The following OGDHL variants were observed in gnomAD, a reference collection of about 807,000 sequenced individuals.
OGDHL encodes oxoglutarate dehydrogenase L.
In OGDHL, 79 loss-of-function variants were observed where a neutral mutation model predicts 109.6. The ratio of observed to expected loss-of-function variants is 0.72; its 90% CI spans 0.60 to 0.87. The LOEUF (loss-of-function observed/expected upper bound fraction) is 0.87. Ranked by LOEUF, OGDHL falls within the 40% of genes least tolerant of loss-of-function variation. The pLI, the probability that OGDHL is intolerant of heterozygous loss-of-function variation, is 0.00. For synonymous variants in OGDHL, 528 were observed against 537.2 expected (o/e 0.98, Z 0.24); for missense variants, 1,275 against 1,362.2 (o/e 0.94, Z 1.01).
rs778314316 is a variant in OGDHL at position 49,750,973 on chromosome 10, G to A, written c.762C>T (p.Phe254=). ...TCTCTGAGGACCATTTCCGGGCCAG[G>A]AAGTCTTCAAACCTGCTTGGGGAGA... is the stretch of plus-strand genomic sequence containing the variant. ...RLVRSMRFED[F]LARKWSSEKR... is the part of the protein sequence containing the mutation. The change falls in exon 7 of 23, where the codon TTC becomes TTT. Residue 254 remains phenylalanine, a synonymous_variant. Coordinates refer to ENST00000374103, the MANE Select transcript of OGDHL (RefSeq NM_018245.3). 4.4e-6 allele frequency: 7 copies of A among 1,604,900 alleles called. No homozygotes were observed. In the Admixed American group the frequency reaches 1.0e-4, roughly 23 times the overall value.
At chr10:49,747,237 T>C in intron 8 of OGDHL, 29 bp from the exon 9 acceptor site, 1 of 1,606,444 alleles carries the variant, frequency 6.2e-7, no homozygotes, top group East Asian at 2.2e-5. Flanking sequence ...ACATGATGGA[T>C]CCTCCCCTCC....
chr10:49,745,929 T>G lies in OGDHL; in HGVS notation c.1345A>C (p.Thr449Pro). The change falls in exon 11 of 23, where the codon ACC becomes CCC. Residue 449 changes from threonine (T) to proline (P), a missense_variant. By Grantham distance (38) the Thr-to-Pro change is conservative (BLOSUM62 -1). Coordinates refer to ENST00000374103, the MANE Select transcript of OGDHL (RefSeq NM_018245.3). ...PRMARSSPYPTDVARVVNAPI... is the reference protein window; with the variant it reads ...PRMARSSPYPPDVARVVNAPI... ...GCATTGACCACCCGGGCCACGTCGG[T>G]CGGGTATGGTGAGGAGCGGGCCATT... 2 of 1,614,136 alleles carry G rather than the reference T, an allele frequency of 1.2e-6. No individual in the cohort carries two copies. The highest frequency in any genetic ancestry group is 2.2e-5 in the South Asian group (2 of 91,070).
At chr10:49,761,704 C>T (rs372152322) in intron 1 of OGDHL, among the ~76,000 whole-genome samples, 1 of 152,172 alleles carries the variant, frequency 6.6e-6, no homozygotes, top group Non-Finnish European at 1.5e-5. Context: ...CCACATCTCC[C>T]GGGGGGCGGA....
chr10:49,751,130 G>GGT (rs1048786234), intron 6 of OGDHL, 145 bp from the exon 7 acceptor site: 14 of 761,292 alleles, frequency 1.8e-5, no homozygotes, highest in African/African-American at 1.6e-4. Flanking sequence ...ACATGGTCCA[G>GGT]GGCCCACCAT....
chr10:49,741,626 TAAC>T (rs1442814447), intron 15 of OGDHL, among the ~76,000 whole-genome samples: 2 of 150,788 alleles, frequency 1.3e-5, no homozygotes, highest in Non-Finnish European at 3.0e-5. Context: ...GGGGCTGACT[TAAC>T]AGCAGTACAC....
chr10:49,751,732 G>A, intron 6 of OGDHL, 95 bp downstream of exon 6: 1 of 1,470,842 alleles, frequency 6.8e-7, no homozygotes, highest in Non-Finnish European at 9.2e-7. Flanking sequence ...CTGCCTTCCT[G>A]TGGTACCCTC....
chr10:49,752,460 T>C (rs547283376), intron 4 of OGDHL, among the ~76,000 whole-genome samples, 178 bp downstream of exon 4: 2 of 152,220 alleles, frequency 1.3e-5, no homozygotes, highest in South Asian at 4.1e-4. Context: ...CTAGGGAAAG[T>C]GGCAGGCATC....
In OGDHL at chr10:49,734,948, G is replaced by A. The variant is rs1841032666; in HGVS notation, c.*280C>T. On this transcript the variant is annotated 3_prime_UTR_variant, in exon 23 of 23. Transcript: ENST00000374103. ...CCCCGGGTGTCTGTCTTGAGATACA[G>A]GTGGAGAAGCCGCCCAAGAAATTCC... 7.3e-6 allele frequency: 2 copies of A among 274,146 alleles called. No individual in the cohort carries two copies. Among genetic ancestry groups the A allele is most frequent in the African/African-American group, 4.4e-5 (2 of 45,184 alleles). The allele number at this position is 274,146 out of a possible 1,614,324, so 17.0% of individuals were successfully genotyped here. A position where few individuals can be genotyped will look rare whatever the true frequency, so the allele number is the denominator to read the frequency against.
chr10:49,738,157 G>A (rs772926573), intron 18 of OGDHL, 34 bp downstream of exon 18: 63 of 1,613,898 alleles, frequency 3.9e-5, no homozygotes, highest in South Asian at 9.9e-5. Context: ...ACAATAGGGC[G>A]CGTCCCTGTC....
intron 3 of OGDHL, among the ~76,000 whole-genome samples, chr10:49,754,913 TG>T (rs1442446834): frequency 2.6e-5 from 4 of 152,210 alleles, no homozygotes; most frequent in Admixed American, 6.5e-5. Context: ...TATTGCAACC[TG>T]TGGATTTAGC....
intron 12 of OGDHL, 54 bp from the exon 13 acceptor site, chr10:49,744,806 G>A: frequency 1.4e-6 from 2 of 1,395,482 alleles, no homozygotes; most frequent in South Asian, 1.2e-5. Context: ...GCAGCCAGAC[G>A]CCCAGTCCAC....
chr10:49,735,564 C>T (rs1459938292), intron 22 of OGDHL, among the ~76,000 whole-genome samples: 1 of 152,232 alleles, frequency 6.6e-6, no homozygotes, highest in Admixed American at 6.5e-5. Flanking sequence ...GAAACTGTCC[C>T]TCCATGTCAC....
chr10:49,750,466 C>T (rs539762905), intron 7 of OGDHL, among the ~76,000 whole-genome samples: 65 of 152,278 alleles, frequency 4.3e-4, no homozygotes, highest in African/African-American at 6.3e-4. Context: ...GGACACAACC[C>T]GGGAACAACT....
At chr10:49,752,411 G>A (rs1842666408) in intron 4 of OGDHL, among the ~76,000 whole-genome samples, 163 bp from the exon 5 acceptor site, 1 of 152,182 alleles carries the variant, frequency 6.6e-6, no homozygotes, top group Non-Finnish European at 1.5e-5. Context: ...GGGAGGCAGG[G>A]TGGACAAGCC....
intron 10 of OGDHL, 138 bp downstream of exon 10, chr10:49,746,612 G>T: frequency 8.6e-7 from 1 of 1,161,352 alleles, no homozygotes; most frequent in Non-Finnish European, 1.2e-6. Context: ...ACCAAGGCTG[G>T]AAAGAGCAGG....
chr10:49,755,724 C>T (rs1479063694), intron 3 of OGDHL, among the ~76,000 whole-genome samples: 4 of 152,136 alleles, frequency 2.6e-5, no homozygotes, highest in South Asian at 2.1e-4. Context: ...TCTAATGCCT[C>T]GTCTTGGTTA....
intron 1 of OGDHL, among the ~76,000 whole-genome samples, chr10:49,761,540 G>C (rs547559333): frequency 6.6e-6 from 1 of 152,296 alleles, no homozygotes; most frequent in East Asian, 1.9e-4. Context: ...GCAACAAACC[G>C]CAATTCTATT....
At chr10:49,749,909 G>GC (rs1842469233) in intron 7 of OGDHL, 93 bp from the exon 8 acceptor site, 1 of 1,027,948 alleles carries the variant, frequency 9.7e-7, no homozygotes, top group African/African-American at 1.6e-5. Context: ...GCCTAATACA[G>GC]CCCCTTCGTG....
chr10:49,735,487 G>A, intron 22 of OGDHL, 136 bp from the exon 23 acceptor site: 1 of 985,780 alleles, frequency 1.0e-6, no homozygotes, highest in Non-Finnish European at 1.5e-6. Context: ...TTTTGGCCCT[G>A]GCACCACTTC....
Sources: gnomAD v4.1 joint callset for allele counts (sites outside exome capture counted in the v4.1 genomes callset) on GRCh38, gnomAD v4.1.1 for gene constraint, MANE v1.5 for transcripts, NCBI Gene and HGNC (gene_info 2026-07-23, HGNC 2026-07-21) for gene names.